Variants in TRIM2 observed in about 807,000 individuals in gnomAD.
The protein encoded by TRIM2 is tripartite motif-containing protein 2.
In TRIM2, 20 loss-of-function variants were observed where a neutral mutation model predicts 75.2. That is an observed-to-expected ratio of 0.27 (90% CI 0.19 to 0.39). The LOEUF is 0.39. Ranked by LOEUF, TRIM2 falls within the 10% of genes least tolerant of loss-of-function variation. The pLI is 1.00. For missense variants in TRIM2, 660 were observed against 990.8 expected (o/e 0.67, Z 4.48); for synonymous variants, 373 against 388.3 (o/e 0.96, Z 0.46).
chr4:153,328,646 C>T lies in TRIM2; in HGVS notation c.2139C>T (p.Ala713=), dbSNP rs773958934. 35 of 1,611,024 alleles carry T rather than the reference C, an allele frequency of 2.2e-5. 1 individual carries two copies. The highest frequency in any genetic ancestry group is 1.0e-4 in the Admixed American group (6 of 59,536). Residue 713 remains alanine, a synonymous_variant, in exon 11 of 12, where the codon GCC becomes GCT. Coordinates refer to ENST00000338700, the MANE Select transcript of TRIM2 (RefSeq NM_015271.5). ...AVDSNGNIIV[A]DWGNSRIQVF... ...ATTCAAATGGAAACATCATTGTGGC[C>T]GACTGGGGAAACAGCAGGATCCAGG...
At chr4:153,325,550 T>C (rs1269166545) in intron 10 of TRIM2, among the ~76,000 whole-genome samples, 2 of 152,200 alleles carry the variant, frequency 1.3e-5, no homozygotes, top group East Asian at 1.9e-4. Context: ...CCAAGAGTTA[T>C]AACAGTGCTG....
At position 153,295,641 on chromosome 4, in the gene TRIM2, C is replaced by T; in HGVS notation, c.1115C>T (p.Ser372Phe). Residue 372 changes from serine (S) to phenylalanine (F), a missense_variant, in exon 6 of 12, where the codon TCC (serine) becomes TTC (phenylalanine). Coordinates refer to ENST00000338700, the MANE Select transcript of TRIM2 (RefSeq NM_015271.5). The surrounding 1 kb of genome is among the most constrained non-coding windows in gnomAD (Gnocchi z 7.2). ...CAGACCATCATCGGGCAGCCCATGT[C>T]CGTCACCATCACCACCAAGGACAAA... Reference protein sequence around the residue: ...LRQTIIGQPMSVTITTKDKDG... With the variant: ...LRQTIIGQPMFVTITTKDKDG... 6.2e-7 allele frequency: 1 copy of T among 1,614,032 alleles called. No homozygotes were observed. The highest frequency in any genetic ancestry group is 1.1e-5 in the South Asian group (1 of 91,062).
Position 153,248,873 on chromosome 4 carries a change from C to T in TRIM2, c.31-21462C>T, listed in dbSNP as rs897169649. 1.3e-5 allele frequency among the ~76,000 whole-genome samples: 2 copies of T among 152,230 alleles called. No homozygotes were observed. Among genetic ancestry groups the T allele is most frequent in the Non-Finnish European group, 2.9e-5 (2 of 68,026 alleles). On this transcript the variant is annotated intron_variant, in intron 1 of 11. Transcript: ENST00000338700. The surrounding 1 kb of genome is among the most constrained non-coding windows in gnomAD (Gnocchi z 4.0). ...TGCCCAGGCTCCTACTTCAGTGTCA[C>T]CTCCAGGTTTCAAAGCATGGAAACC...
chr4:153,195,390 G>T (rs962830020), intron 1 of TRIM2, among the ~76,000 whole-genome samples: 2 of 152,150 alleles, frequency 1.3e-5, no homozygotes, highest in Non-Finnish European at 2.9e-5. Context: ...GCATGTGCCT[G>T]TGGTGGTCCC....
At chr4:153,187,712 A>C (rs1173877833) in intron 1 of TRIM2, among the ~76,000 whole-genome samples, 1 of 152,186 alleles carries the variant, frequency 6.6e-6, no homozygotes, top group Non-Finnish European at 1.5e-5. Flanking sequence ...GGGCCCTGAC[A>C]AAGGGGAAGT....
chr4:153,204,926 G>C (rs1461171132), intron 1 of TRIM2, among the ~76,000 whole-genome samples: 2 of 152,212 alleles, frequency 1.3e-5, no homozygotes, highest in African/African-American at 4.8e-5. Context: ...CGGGGTTTCT[G>C]TAAGCCAGCT....
At chr4:153,279,377 C>T (rs1039826017) in intron 3 of TRIM2, among the ~76,000 whole-genome samples, 2 of 152,150 alleles carry the variant, frequency 1.3e-5, no homozygotes, top group Admixed American at 6.5e-5. Context: ...AAGCAAGTTC[C>T]TGCCCTACAA....
chr4:153,333,404 C>T (rs1771925406), intron 11 of TRIM2, among the ~76,000 whole-genome samples: 1 of 152,134 alleles, frequency 6.6e-6, no homozygotes, highest in African/African-American at 2.4e-5. Flanking sequence ...GGTAAATCTA[C>T]ACACATGATA....
upstream of TRIM2, among the ~76,000 whole-genome samples, chr4:153,203,127 A>AG (rs1416241182): frequency 2.4e-4 from 29 of 119,600 alleles, no homozygotes; most frequent in Non-Finnish European, 4.3e-4. Flanking sequence ...AAAAAAAAAA[A>AG]GTGGAATTTA....
At chr4:153,300,553 T>C (rs901348189) in intron 6 of TRIM2, among the ~76,000 whole-genome samples, 5 of 152,326 alleles carry the variant, frequency 3.3e-5, no homozygotes, top group East Asian at 3.9e-4. Flanking sequence ...TTCAACATTT[T>C]TTTTTTTGAG....
chr4:153,288,618 TTG>T (rs1158448766), intron 3 of TRIM2, among the ~76,000 whole-genome samples: 2 of 150,924 alleles, frequency 1.3e-5, no homozygotes, highest in Admixed American at 1.3e-4. Context: ...ATGTGTAGAT[TTG>T]TGTCTTTTAT....
At position 153,338,059 on chromosome 4, in the gene TRIM2, C is replaced by T; in HGVS notation, c.*3093C>T. ...CAGAACTAAACAAGTCCCTAAGTTTCCTTATTTTAATTTACTGTGACTAGA... is the reference window on the plus strand; with the variant it reads ...CAGAACTAAACAAGTCCCTAAGTTTTCTTATTTTAATTTACTGTGACTAGA... On this transcript the variant is annotated 3_prime_UTR_variant, in exon 12 of 12. Transcript: ENST00000338700. 1 of 985,716 alleles carries T rather than the reference C, an allele frequency of 1.0e-6. No homozygotes were observed. Among genetic ancestry groups the T allele is most frequent in the Non-Finnish European group, 1.2e-6 (1 of 829,896 alleles). 61.1% of individuals were successfully genotyped at this position (985,716 alleles called of 1,614,324 possible). A position where few individuals can be genotyped will look rare whatever the true frequency, so the allele number is the denominator to read the frequency against.
intron 1 of TRIM2, among the ~76,000 whole-genome samples, chr4:153,169,908 G>A (rs1021578339): frequency 2.6e-5 from 4 of 152,046 alleles, no homozygotes; most frequent in South Asian, 2.1e-4. Context: ...AGTGAGGCGC[G>A]TGTCTCTCCA....
At chr4:153,162,712 C>T (rs1450600026) in intron 1 of TRIM2, among the ~76,000 whole-genome samples, 1 of 152,192 alleles carries the variant, frequency 6.6e-6, no homozygotes, top group Non-Finnish European at 1.5e-5. Context: ...TGAACTGTGG[C>T]AGAGCAAGTG....
intron 3 of TRIM2, among the ~76,000 whole-genome samples, chr4:153,291,745 GTCA>G (rs139634621): frequency 1.6e-4 from 24 of 151,890 alleles, no homozygotes; most frequent in Admixed American, 2.6e-4. Context: ...AGCAGATGAT[GTCA>G]TCATCATCAT....
At chr4:153,166,566 G>A (rs1730348725) in intron 1 of TRIM2, among the ~76,000 whole-genome samples, 1 of 100,932 alleles carries the variant, frequency 9.9e-6, no homozygotes, top group African/African-American at 3.2e-5. Context: ...TTTTTTTGGA[G>A]ATGAGGTCTC....
chr4:153,314,294 C>T (rs56258853), intron 6 of TRIM2, among the ~76,000 whole-genome samples: 9,542 of 146,022 alleles, frequency 0.065, 434 homozygotes, highest in Middle Eastern at 0.13. Context: ...GTGGCGGGCG[C>T]CTGTAGTCCC....
At position 153,335,847 on chromosome 4, in the gene TRIM2, A is replaced by C; in HGVS notation, c.*881A>C. 1.0e-6 allele frequency: 1 copy of C among 985,822 alleles called. No homozygotes were observed. Among genetic ancestry groups the C allele is most frequent in the South Asian group, 4.7e-5 (1 of 21,282 alleles). 61.1% of individuals were successfully genotyped at this position (985,822 alleles called of 1,614,324 possible). ...CTTCTCTTCGACTTCCTGAAAGCGAAAGCTTTACCTCCTGCAAATGTCAGC... is the reference window on the plus strand; with the variant it reads ...CTTCTCTTCGACTTCCTGAAAGCGACAGCTTTACCTCCTGCAAATGTCAGC... On this transcript the variant is annotated 3_prime_UTR_variant, in exon 12 of 12. Coordinates refer to ENST00000338700, the MANE Select transcript of TRIM2 (RefSeq NM_015271.5).
At chr4:153,182,671 A>G (rs900730206) in intron 1 of TRIM2, among the ~76,000 whole-genome samples, 2 of 152,216 alleles carry the variant, frequency 1.3e-5, no homozygotes, top group Non-Finnish European at 2.9e-5. Context: ...GGCTCATTTT[A>G]TGATCTTATG....
Sources: allele counts gnomAD v4.1 joint callset (sites outside exome capture counted in the v4.1 genomes callset), GRCh38; gene constraint gnomAD v4.1.1; non-coding constraint Gnocchi (gnomAD v3.1); transcripts MANE v1.5; gene names NCBI Gene and HGNC (gene_info 2026-07-23, HGNC 2026-07-21).